CRHBP: variants seen among roughly 807,000 people sequenced by gnomAD.
CRHBP encodes the protein corticotropin releasing hormone binding protein.
Under a neutral mutation model 34.9 loss-of-function variants are expected in CRHBP, and 19 were observed. That is an observed-to-expected ratio of 0.55 (90% CI 0.38 to 0.80). The LOEUF (loss-of-function observed/expected upper bound fraction) is 0.80. Among genes scored for constraint, CRHBP ranks in the 30% least tolerant of loss-of-function variants. The pLI is 0.00. For missense variants in CRHBP, 328 were observed against 409.2 expected (o/e 0.80, Z 1.71); for synonymous variants, 154 against 153.4 (o/e 1.00, Z -0.03).
chr5:76,979,807 GGT>G (rs1483556570), intron 3 of CRHBP, among the ~76,000 whole-genome samples: 1 of 152,028 alleles, frequency 6.6e-6, no homozygotes, highest in Admixed American at 6.6e-5. Context: ...TTTTTATGAT[GGT>G]CTGGAACCAA....
At chr5:76,978,208 A>C (rs1561270373) in intron 3 of CRHBP, among the ~76,000 whole-genome samples, 2 of 152,332 alleles carry the variant, frequency 1.3e-5, no homozygotes, top group South Asian at 4.1e-4. Context: ...ATCATTGATG[A>C]AGGTGGCTAC....
At chr5:76,961,878 C>T (rs1008440235) in intron 5 of CRHBP, among the ~76,000 whole-genome samples, 3 of 152,114 alleles carry the variant, frequency 2.0e-5, no homozygotes, top group African/African-American at 7.2e-5. Context: ...CTCAGCTTCC[C>T]GAGTAGCTGG....
In CRHBP at chr5:76,953,674, A is replaced by C. The variant is rs764269762; in HGVS notation, c.155A>C (p.Gln52Pro). 6.2e-7 allele frequency: 1 copy of C among 1,609,970 alleles called. No homozygotes were observed. Among genetic ancestry groups the C allele is most frequent in the Non-Finnish European group, 8.5e-7 (1 of 1,178,430 alleles). ...ANLKRELAGE[Q>P]PYRRALRCLD... ...CTGAAGCGGGAGCTGGCTGGGGAGC[A>C]GCCGTACCGCCGCGCTCTGCGTGAG... Residue 52 changes from glutamine to proline, a missense_variant, in exon 2 of 7, where the codon CAG becomes CCG. Around this residue, in one of 3 missense-constraint regions of CRHBP, gnomAD observed 173 missense variants for 172.2 expected, o/e 1.00. Coordinates refer to ENST00000274368, the MANE Select transcript of CRHBP (RefSeq NM_001882.4).
chr5:76,957,822 T>C (rs1380417929), intron 4 of CRHBP, among the ~76,000 whole-genome samples: 1 of 152,212 alleles, frequency 6.6e-6, no homozygotes, highest in Non-Finnish European at 1.5e-5. Context: ...TTAATACTGC[T>C]GTCTTTCATT....
At chr5:76,954,260 C>T (rs780793331) in intron 3 of CRHBP, 74 bp downstream of exon 3, 85 of 1,532,362 alleles carry the variant, frequency 5.5e-5, no homozygotes, top group Non-Finnish European at 7.2e-5. Flanking sequence ...GGCGCTGCAC[C>T]CAGCGTGGGG....
chr5:76,958,941 G>T (rs1221096080), intron 5 of CRHBP, 52 bp downstream of exon 5: 3 of 1,581,374 alleles, frequency 1.9e-6, no homozygotes, highest in African/African-American at 2.7e-5. Flanking sequence ...AACTTTATCA[G>T]AGCAGAAGCA....
chr5:76,965,206 G>A (rs1294619907), intron 6 of CRHBP, among the ~76,000 whole-genome samples: 2 of 152,104 alleles, frequency 1.3e-5, no homozygotes, highest in Admixed American at 6.6e-5. Context: ...TTTGGTATCC[G>A]TGGGATGGGG....
At chr5:76,975,825 A>AATATAT (rs1217039736) in intron 2 of CRHBP, among the ~76,000 whole-genome samples, 67 of 61,828 alleles carry the variant, frequency 1.1e-3, no homozygotes, top group Middle Eastern at 0.018. Context: ...AAAAAAAAAA[A>AATATAT]ATATATATAT....
intron 6 of CRHBP, among the ~76,000 whole-genome samples, chr5:76,968,190 A>G: frequency 6.8e-6 from 1 of 146,224 alleles, no homozygotes; most frequent in East Asian, 2.1e-4. Context: ...AATGATAAAC[A>G]GGTGTTTTTT....
At position 76,968,788 on chromosome 5, in the gene CRHBP, T is replaced by C; in HGVS notation, c.872T>C (p.Val291Ala). 6.2e-7 allele frequency: 1 copy of C among 1,614,182 alleles called. No homozygotes were observed. Among genetic ancestry groups the C allele is most frequent in the Non-Finnish European group, 8.5e-7 (1 of 1,180,012 alleles). The stretch of plus-strand genomic sequence containing the variant: ...CGCATGGTCTCCAGTGGAAAACACG[T>C]AAATCGTGTGACTTTTGAGTATCGT... ...VVRMVSSGKH[V>A]NRVTFEYRQL... The change falls in exon 7 of 7, where the codon GTA becomes GCA. Residue 291 changes from valine to alanine, a missense_variant. Transcript: ENST00000274368.
rs1361076442 is a variant in CRHBP at position 76,968,878 on chromosome 5, G to A, written c.962G>A (p.Gly321Asp). The change falls in exon 7 of 7, where the codon GGT becomes GAT. Residue 321 changes from glycine (G) to aspartate (D), a missense_variant. This residue lies in a region of CRHBP where 144 missense variants were observed against 216.7 expected (regional missense o/e 0.66). Coordinates refer to ENST00000274368, the MANE Select transcript of CRHBP (RefSeq NM_001882.4). ...AGTATCGGGGAATTCTGTTTGTCTG[G>A]TCTTTGAATAACCAACCCAGTGATT... ...GNSIGEFCLS[G>D]L 6.2e-7 allele frequency: 1 copy of A among 1,613,148 alleles called. No homozygotes were observed. Among genetic ancestry groups the A allele is most frequent in the Non-Finnish European group, 8.5e-7 (1 of 1,179,458 alleles).
intron 6 of CRHBP, among the ~76,000 whole-genome samples, chr5:76,963,830 G>A (rs902047488): frequency 6.6e-5 from 10 of 152,114 alleles, no homozygotes; most frequent in African/African-American, 2.2e-4. Flanking sequence ...ATTAGTAATA[G>A]GATAATAATG....
At chr5:76,955,985 A>ATTT (rs1193738441) in intron 4 of CRHBP, 122 bp downstream of exon 4, 4 of 786,374 alleles carry the variant, frequency 5.1e-6, no homozygotes, top group Admixed American at 5.8e-5. Context: ...TTTTTTTGTA[A>ATTT]TTAGAAATGA....
intron 5 of CRHBP, among the ~76,000 whole-genome samples, chr5:76,962,753 G>A (rs1269456578): frequency 2.0e-5 from 3 of 152,142 alleles, no homozygotes; most frequent in African/African-American, 7.2e-5. Context: ...GGTAACTGTA[G>A]CTAACTTGGG....
downstream of CRHBP, among the ~76,000 whole-genome samples, chr5:76,973,707 A>G (rs1248842509): frequency 1.3e-5 from 2 of 152,194 alleles, no homozygotes; most frequent in East Asian, 1.9e-4. Context: ...TTCATCTGCT[A>G]TGTAGTTTTT....
intron 4 of CRHBP, 47 bp from the exon 5 acceptor site, chr5:76,958,694 G>C: frequency 6.3e-7 from 1 of 1,575,762 alleles, no homozygotes; most frequent in Non-Finnish European, 8.6e-7. Flanking sequence ...TAAAAACCTA[G>C]CAAACCAAGT....
At chr5:76,977,456 GC>G (rs1460297388) in intron 3 of CRHBP, among the ~76,000 whole-genome samples, 1 of 152,112 alleles carries the variant, frequency 6.6e-6, no homozygotes, top group Non-Finnish European at 1.5e-5. Flanking sequence ...AATATTTCAA[GC>G]TTTTTCATTA....
At chr5:76,978,880 G>A (rs1746077383) in intron 3 of CRHBP, among the ~76,000 whole-genome samples, 1 of 152,206 alleles carries the variant, frequency 6.6e-6, no homozygotes, top group Non-Finnish European at 1.5e-5. Flanking sequence ...ACTCTAATTT[G>A]GAGGAAGTTC....
intron 5 of CRHBP, among the ~76,000 whole-genome samples, chr5:76,961,151 G>T (rs1204813763): frequency 1.3e-5 from 2 of 152,316 alleles, no homozygotes; most frequent in East Asian, 3.9e-4. Flanking sequence ...GGGAATCCCT[G>T]TTGAGAAACT....
Sources: allele counts gnomAD v4.1 joint callset (sites outside exome capture counted in the v4.1 genomes callset), GRCh38; gene constraint gnomAD v4.1.1; regional missense constraint gnomAD v4.1.1; transcripts MANE v1.5; gene names NCBI Gene and HGNC (gene_info 2026-07-23, HGNC 2026-07-21).